The following CATSPERE variants were observed in gnomAD, a reference collection of about 807,000 sequenced individuals.
The protein encoded by CATSPERE is cation channel sperm-associated auxiliary subunit epsilon.
Under a neutral mutation model 114.1 loss-of-function variants are expected in CATSPERE, and 93 were observed. The ratio of observed to expected loss-of-function variants is 0.81; its 90% confidence interval spans 0.69 to 0.97. The LOEUF is 0.97. Ranked by LOEUF, CATSPERE falls within the 50% of genes least tolerant of loss-of-function variation. The pLI, the probability that CATSPERE is intolerant of heterozygous loss-of-function variation, is 0.00. For missense variants in CATSPERE, 1,058 were observed against 1,131.6 expected (o/e 0.93, Z 0.93); for synonymous variants, 341 against 384.1 (o/e 0.89, Z 1.31).
intron 8 of CATSPERE, among the ~76,000 whole-genome samples, chr1:244,536,950 G>A (rs1343765005): frequency 1.4e-5 from 2 of 145,496 alleles, no homozygotes; most frequent in African/African-American, 5.1e-5. Context: ...TTTTTTTTCT[G>A]TTCTTTAAGA....
Position 244,572,699 on chromosome 1 carries a change from A to G in CATSPERE, c.1877A>G (p.Tyr626Cys), listed in dbSNP as rs751846411. Residue 626 changes from tyrosine to cysteine, a missense_variant, in exon 11 of 22, where the codon TAT becomes TGT. By Grantham distance (194) the Tyr-to-Cys change is radical. Coordinates refer to ENST00000366534, the MANE Select transcript of CATSPERE (RefSeq NM_001130957.2). ...NTGLYVIVES[Y>C]GPKILQESHE... Reference sequence around the variant, plus strand: ...GGTCTGTATGTTATTGTGGAATCTTATGGCCCAAAAATATTACAAGAGAGT... The same window carrying G: ...GGTCTGTATGTTATTGTGGAATCTTGTGGCCCAAAAATATTACAAGAGAGT... 4 of 1,613,742 alleles carry G rather than the reference A, an allele frequency of 2.5e-6. No homozygotes were observed. The highest frequency in any genetic ancestry group is 2.2e-5 in the East Asian group (1 of 44,874).
rs1674522061 is a variant in CATSPERE at position 244,635,498 on chromosome 1, C to A, written c.2658C>A (p.Asn886Lys). The A allele has an allele frequency of 6.2e-7, 1 of 1,611,846 alleles. No homozygotes were observed. Among genetic ancestry groups the A allele is most frequent in the Non-Finnish European group, 8.5e-7 (1 of 1,178,366 alleles). The part of the protein sequence containing the change: ...KILDPNYSFC[N>K]LTAMFAIETF... ...TTTTTCTGCTTTGCAGTTTCTGTAA[C>A]CTAACAGCTATGTTTGCAATAGAGA... The change falls in exon 21 of 22, where the codon AAC becomes AAA. Residue 886 changes from asparagine (N) to lysine (K), a missense_variant. By Grantham distance (94) the Asn-to-Lys change is moderately conservative (BLOSUM62 0). Coordinates refer to ENST00000366534, the MANE Select transcript of CATSPERE (RefSeq NM_001130957.2).
intron 9 of CATSPERE, among the ~76,000 whole-genome samples, chr1:244,559,499 A>C (rs895520439): frequency 6.6e-6 from 1 of 152,200 alleles, no homozygotes; most frequent in Non-Finnish European, 1.5e-5. Context: ...AAAAAATTAG[A>C]AACAGTGGGG....
chr1:244,563,759 T>C (rs192807612), intron 10 of CATSPERE, among the ~76,000 whole-genome samples: 1 of 152,232 alleles, frequency 6.6e-6, no homozygotes, highest in Non-Finnish European at 1.5e-5. Context: ...CTCTTTAGTT[T>C]AATTAGATCC....
upstream of CATSPERE, among the ~76,000 whole-genome samples, chr1:244,453,618 G>A (rs1168587417): frequency 6.6e-6 from 1 of 152,194 alleles, no homozygotes; most frequent in African/African-American, 2.4e-5. Flanking sequence ...CTTGGACTGG[G>A]GGCTGACTCT....
At chr1:244,460,594 A>G (rs970356993), upstream of CATSPERE, among the ~76,000 whole-genome samples, 3 of 152,368 alleles carry the variant, frequency 2.0e-5, no homozygotes, top group African/African-American at 7.2e-5. Flanking sequence ...GCAATAAATA[A>G]ATAAATTAAT....
chr1:244,499,234 T>TAGTTTTGA (rs1673609695), intron 7 of CATSPERE, among the ~76,000 whole-genome samples, 155 bp downstream of exon 7: 1 of 152,184 alleles, frequency 6.6e-6, no homozygotes, highest in Admixed American at 6.5e-5. Context: ...GCCATTATAG[T>TAGTTTTGA]AGTTTTGAAC....
chr1:244,604,184 A>G (rs1214358776), intron 17 of CATSPERE, among the ~76,000 whole-genome samples: 2 of 152,256 alleles, frequency 1.3e-5, no homozygotes, highest in African/African-American at 2.4e-5. Context: ...CAGAGCTCTC[A>G]GTAGAGTTTT....
At chr1:244,500,094 C>T (rs1673790553) in intron 7 of CATSPERE, among the ~76,000 whole-genome samples, 1 of 152,126 alleles carries the variant, frequency 6.6e-6, no homozygotes, top group African/African-American at 2.4e-5. Flanking sequence ...CTCTTATGAC[C>T]AGTGATGATG....
At chr1:244,599,581 A>G (rs369744500) in intron 17 of CATSPERE, among the ~76,000 whole-genome samples, 2 of 152,230 alleles carry the variant, frequency 1.3e-5, no homozygotes, top group East Asian at 3.8e-4. Flanking sequence ...TCCATATAGC[A>G]GCAAGGGTAA....
At chr1:244,598,949 A>G (rs935082675) in intron 17 of CATSPERE, among the ~76,000 whole-genome samples, 1 of 152,130 alleles carries the variant, frequency 6.6e-6, no homozygotes, top group African/African-American at 2.4e-5. Context: ...TGCTTAGGCT[A>G]TGCTGCAGTA....
intron 5 of CATSPERE, 110 bp downstream of exon 5, chr1:244,479,894 A>G: frequency 6.1e-6 from 3 of 491,292 alleles, no homozygotes; most frequent in Non-Finnish European, 1.1e-5. Context: ...TACAACTTTC[A>G]TTCACCAACC....
intron 6 of CATSPERE, among the ~76,000 whole-genome samples, chr1:244,495,423 T>G (rs909492391): frequency 6.6e-6 from 1 of 152,092 alleles, no homozygotes; most frequent in African/African-American, 2.4e-5. Flanking sequence ...GAAGTTAGGA[T>G]TTAGAAAATG....
chr1:244,521,652 T>C (rs903312171), intron 8 of CATSPERE, among the ~76,000 whole-genome samples: 2 of 152,144 alleles, frequency 1.3e-5, no homozygotes, highest in African/African-American at 2.4e-5. Context: ...TATGTACATT[T>C]GAAAGGCTAA....
At chr1:244,476,704 A>G (rs1223661529) in intron 2 of CATSPERE, among the ~76,000 whole-genome samples, 1 of 152,238 alleles carries the variant, frequency 6.6e-6, no homozygotes, top group Non-Finnish European at 1.5e-5. Context: ...TGGCTGAAGA[A>G]GAGGATCAGT....
At chr1:244,588,814 G>C (rs1279219369) in intron 14 of CATSPERE, among the ~76,000 whole-genome samples, 3 of 152,092 alleles carry the variant, frequency 2.0e-5, no homozygotes, top group Admixed American at 2.0e-4. Context: ...GTCCTTCACA[G>C]TTGCCTCTCT....
chr1:244,569,651 ATT>A (rs1284229758), intron 10 of CATSPERE, among the ~76,000 whole-genome samples: 6 of 152,260 alleles, frequency 3.9e-5, no homozygotes, highest in Non-Finnish European at 7.4e-5. Flanking sequence ...TATTTTCATT[ATT>A]CTTATAATTC....
At chr1:244,535,015 A>G (rs756373845) in intron 8 of CATSPERE, among the ~76,000 whole-genome samples, 4 of 152,104 alleles carry the variant, frequency 2.6e-5, no homozygotes, top group African/African-American at 9.7e-5. Context: ...CAGTAATGCT[A>G]TGACTCTTGG....
chr1:244,595,692 G>A (rs1668296947), intron 17 of CATSPERE, among the ~76,000 whole-genome samples: 1 of 152,214 alleles, frequency 6.6e-6, no homozygotes, highest in Admixed American at 6.5e-5. Flanking sequence ...AGCACTTTGG[G>A]AGGCCGAGGC....
Sources: allele counts gnomAD v4.1 joint callset (sites outside exome capture counted in the v4.1 genomes callset), GRCh38; gene constraint gnomAD v4.1.1; transcripts MANE v1.5; gene names NCBI Gene and HGNC (gene_info 2026-07-23, HGNC 2026-07-21).